The following AKAP19 variants were observed in gnomAD, a reference collection of about 807,000 sequenced individuals.
AKAP19 encodes small A-kinase anchoring protein.
chr2:190,038,640 T>C, the AKAP19 span, among the ~76,000 whole-genome samples: 2 of 152,156 alleles, frequency 1.3e-5, no homozygotes, highest in Admixed American at 6.5e-5. Flanking sequence ...TTTTTCACTT[T>C]CTCGCTCCCT....
At chr2:189,881,402 TC>T in the AKAP19 span, among the ~76,000 whole-genome samples, 6 of 152,164 alleles carry the variant, frequency 3.9e-5, no homozygotes, top group Non-Finnish European at 7.4e-5. Flanking sequence ...GATGAGTAGA[TC>T]CTGAGTTATT....
the AKAP19 span, among the ~76,000 whole-genome samples, chr2:189,922,488 TG>T: frequency 6.6e-6 from 1 of 152,232 alleles, no homozygotes; most frequent in African/African-American, 2.4e-5. Context: ...TGATCCCTGC[TG>T]GTGAATTCTG....
chr2:189,963,142 G>A, the AKAP19 span, among the ~76,000 whole-genome samples: 1 of 150,584 alleles, frequency 6.6e-6, no homozygotes, highest in East Asian at 1.9e-4. Context: ...AGTCTCACCT[G>A]TTCAAGTTTT....
chr2:190,014,396 A>G, the AKAP19 span, among the ~76,000 whole-genome samples: 12 of 152,120 alleles, frequency 7.9e-5, no homozygotes, highest in African/African-American at 2.7e-4. Context: ...ACACTTATAA[A>G]ACCACCAGAT....
At chr2:189,909,999 A>G in the AKAP19 span, among the ~76,000 whole-genome samples, 1 of 151,944 alleles carries the variant, frequency 6.6e-6, no homozygotes, top group East Asian at 1.9e-4. Flanking sequence ...CTTTGCTTTA[A>G]TTTGTGCTTG....
the AKAP19 span, among the ~76,000 whole-genome samples, chr2:190,029,885 A>G: frequency 2.0e-5 from 3 of 152,184 alleles, no homozygotes; most frequent in Non-Finnish European, 4.4e-5. Context: ...AAGAATGTTT[A>G]CCCAAATGTT....
the AKAP19 span, among the ~76,000 whole-genome samples, chr2:190,186,560 T>C: frequency 4.6e-5 from 7 of 152,218 alleles, no homozygotes; most frequent in African/African-American, 1.4e-4. The surrounding 1 kb of genome is among the most constrained non-coding windows in gnomAD (Gnocchi z 5.5). Context: ...CAAAGTCATA[T>C]ATACAGTATT....
the AKAP19 span, among the ~76,000 whole-genome samples, chr2:189,981,273 C>CTTTTTTTTTTTTTTT: frequency 7.8e-6 from 1 of 129,000 alleles, no homozygotes; most frequent in Non-Finnish European, 1.7e-5. Context: ...CCTTCTTTGT[C>CTTTTTTTTTTTTTTT]TTTTTTTTTT....
chr2:189,922,464 T>C, the AKAP19 span, among the ~76,000 whole-genome samples: 3 of 152,190 alleles, frequency 2.0e-5, no homozygotes, highest in Non-Finnish European at 4.4e-5. Context: ...GTAGGTAGAT[T>C]CAGCAGATAC....
chr2:190,187,156 T>TTA, the AKAP19 span, among the ~76,000 whole-genome samples: 13 of 151,400 alleles, frequency 8.6e-5, no homozygotes, highest in Non-Finnish European at 1.9e-4. Context: ...GAAAGACATT[T>TTA]TATATATATA....
At chr2:190,129,387 T>C in the AKAP19 span, among the ~76,000 whole-genome samples, 1 of 152,200 alleles carries the variant, frequency 6.6e-6, no homozygotes, top group Non-Finnish European at 1.5e-5. Context: ...AAATATTTGA[T>C]AGTCAGAATC....
chr2:190,083,330 C>T, the AKAP19 span, among the ~76,000 whole-genome samples: 20,553 of 146,724 alleles, frequency 0.14, 1,577 homozygotes, highest in African/African-American at 0.2. Flanking sequence ...GAGCCGAGAT[C>T]GTGCTACTCT....
At chr2:190,097,545 T>G in the AKAP19 span, among the ~76,000 whole-genome samples, 10 of 152,268 alleles carry the variant, frequency 6.6e-5, no homozygotes, top group African/African-American at 2.4e-4. Context: ...CCCATCAAAC[T>G]TCCTTCATTT....
chr2:189,923,037 G>C, the AKAP19 span, among the ~76,000 whole-genome samples: 4 of 152,160 alleles, frequency 2.6e-5, no homozygotes, highest in Non-Finnish European at 5.9e-5. Flanking sequence ...TATAGTCCCA[G>C]CTACTCAGGA....
chr2:189,917,430 G>GT, the AKAP19 span: 100 of 772,982 alleles, frequency 1.3e-4, no homozygotes, highest in Admixed American at 2.6e-4. Context: ...AACCATGTCT[G>GT]TTTTTTTTCT....
chr2:190,161,874 G>C, the AKAP19 span, among the ~76,000 whole-genome samples: 1 of 152,128 alleles, frequency 6.6e-6, no homozygotes, highest in Admixed American at 6.5e-5. Flanking sequence ...GTGACTTAGA[G>C]ACTACTGGTT....
At chr2:190,172,703 T>C in the AKAP19 span, among the ~76,000 whole-genome samples, 5 of 152,236 alleles carry the variant, frequency 3.3e-5, no homozygotes, top group Non-Finnish European at 7.3e-5. Context: ...GGCTTTGGAC[T>C]CAGGCCTGGT....
chr2:190,153,662 C>T, the AKAP19 span, among the ~76,000 whole-genome samples: 1 of 152,072 alleles, frequency 6.6e-6, no homozygotes, highest in African/African-American at 2.4e-5. Context: ...AAATAATTTT[C>T]CATCATAAAT....
chr2:189,890,344 C>T, the AKAP19 span, among the ~76,000 whole-genome samples: 8 of 151,718 alleles, frequency 5.3e-5, no homozygotes, highest in Middle Eastern at 3.4e-3. Context: ...TCTAATTATG[C>T]GGTCAATTTT....
Sources: gnomAD v4.1 joint callset for allele counts (sites outside exome capture counted in the v4.1 genomes callset) on GRCh38, gnomAD v4.1.1 for gene constraint, Gnocchi (gnomAD v3.1) non-coding constraint, MANE v1.5 for transcripts, NCBI Gene and HGNC (gene_info 2026-07-23, HGNC 2026-07-21) for gene names.